Variants in RELL1 observed in about 807,000 individuals in gnomAD.
RELL1 encodes RELT-like protein 1.
A neutral mutation model predicts 23.0 loss-of-function variants in RELL1; 10 were observed. The observed-to-expected ratio is 0.43, with a 90% CI of 0.27 to 0.74. RELL1 has a LOEUF of 0.74. RELL1 is among the 30% of genes least tolerant of loss of function. The pLI is 0.19. For synonymous variants in RELL1, 146 were observed against 146.8 expected (o/e 0.99, Z 0.04); for missense variants, 315 against 364.4 (o/e 0.86, Z 1.10).
At chr4:37,668,263 C>A (rs577176579) in intron 1 of RELL1, among the ~76,000 whole-genome samples, 1 of 149,880 alleles carries the variant, frequency 6.7e-6, no homozygotes, top group African/African-American at 2.5e-5. Flanking sequence ...CCTCTGATAC[C>A]GAGCCGAAGC....
chr4:37,598,284 A>AAAAAAAAAAG (rs869260737), intron 6 of RELL1, among the ~76,000 whole-genome samples: 13 of 117,254 alleles, frequency 1.1e-4, no homozygotes, highest in East Asian at 3.1e-4. Flanking sequence ...AAAAAAAAAA[A>AAAAAAAAAAG]GTTTATAGGA....
chr4:37,655,099 G>C (rs759951893), intron 1 of RELL1, among the ~76,000 whole-genome samples: 7 of 152,056 alleles, frequency 4.6e-5, no homozygotes, highest in Non-Finnish European at 8.8e-5. Flanking sequence ...TGGATGCTAG[G>C]ATTCCTATTT....
chr4:37,612,641 A>G lies in RELL1; in HGVS notation c.*705T>C, dbSNP rs1311826906. On this transcript the variant is annotated 3_prime_UTR_variant, in exon 7 of 7. Coordinates refer to ENST00000454158, the MANE Select transcript of RELL1 (RefSeq NM_001085400.2). Reference sequence around the variant, plus strand: ...GACACAGCGAGACTCTGCCTCAAAAAAAAAAAAAAAAAAACCTTCTCAAAA... The same window carrying G: ...GACACAGCGAGACTCTGCCTCAAAAGAAAAAAAAAAAAAACCTTCTCAAAA... Among the ~76,000 whole-genome samples the G allele has an allele frequency of 6.6e-6, 1 of 151,402 alleles. No individual in the cohort carries two copies. The highest frequency in any genetic ancestry group is 1.5e-5 in the Non-Finnish European group (1 of 67,946).
Position 37,684,016 on chromosome 4 carries a change from G to A in RELL1, c.88+2184C>T, listed in dbSNP as rs188963092. 4.5e-3 allele frequency among the ~76,000 whole-genome samples: 691 copies of A among 151,896 alleles called. 5 individuals carry two copies. The highest frequency in any genetic ancestry group is 0.016 in the African/African-American group (658 of 41,394). On this transcript the variant is annotated intron_variant, in intron 1 of 6. Transcript: ENST00000454158. The stretch of plus-strand genomic sequence containing the variant: ...GAATGGCGTGAACCCGGGAGGCGGA[G>A]CTTGCAGTGAGATCGCGCCACTGCA...
chr4:37,673,807 T>G (rs1361379746), intron 1 of RELL1, among the ~76,000 whole-genome samples: 1 of 152,178 alleles, frequency 6.6e-6, no homozygotes, highest in Admixed American at 6.5e-5. Context: ...GGCCTCTTGT[T>G]GTCCCCTATC....
Position 37,647,385 on chromosome 4 carries a change from T to C in RELL1, c.368A>G (p.Tyr123Cys). Residue 123 changes from tyrosine to cysteine, a missense_variant, in exon 3 of 7, where the codon TAC (tyrosine) becomes TGC (cysteine). Coordinates refer to ENST00000454158, the MANE Select transcript of RELL1 (RefSeq NM_001085400.2). ...NSDTVGQIVH[Y>C]IMKNEANADV... The stretch of plus-strand genomic sequence containing the variant: ...GTTCACACCTTCATTTTTCATGATG[T>C]AGTGGACGATTTGCCCAACAGTGTC... The C allele has an allele frequency of 6.2e-7, 1 of 1,612,256 alleles. No individual in the cohort carries two copies. Among genetic ancestry groups the C allele is most frequent in the African/African-American group, 1.3e-5 (1 of 75,020 alleles).
chr4:37,684,880 G>A (rs1722346256), intron 1 of RELL1, among the ~76,000 whole-genome samples: 1 of 152,172 alleles, frequency 6.6e-6, no homozygotes, highest in Non-Finnish European at 1.5e-5. Context: ...TTGAACCAGA[G>A]AGCTGGAGGT....
At chr4:37,682,802 T>C (rs1722266311) in intron 1 of RELL1, among the ~76,000 whole-genome samples, 1 of 152,228 alleles carries the variant, frequency 6.6e-6, no homozygotes, top group Non-Finnish European at 1.5e-5. Flanking sequence ...GGAGTCAGAA[T>C]GCTGGAGGGA....
chr4:37,653,034 C>T (rs546461618), intron 1 of RELL1, among the ~76,000 whole-genome samples: 8 of 152,164 alleles, frequency 5.3e-5, no homozygotes, highest in African/African-American at 1.4e-4. Flanking sequence ...TACAAGATGG[C>T]CCTGGGAAAT....
At chr4:37,647,222 C>T (rs150050064) in intron 3 of RELL1, 146 bp downstream of exon 3, 277 of 579,592 alleles carry the variant, frequency 4.8e-4, no homozygotes, top group African/African-American at 4.0e-3. Context: ...GTGAAACTTG[C>T]GTAGCTGAAT....
intron 6 of RELL1, among the ~76,000 whole-genome samples, chr4:37,621,087 GTTAC>G (rs1294132297): frequency 6.6e-6 from 1 of 152,146 alleles, no homozygotes; most frequent in African/African-American, 2.4e-5. Flanking sequence ...CCTATGTCCT[GTTAC>G]TTACAGAAAA....
chr4:37,685,087 C>T (rs977030323), intron 1 of RELL1, among the ~76,000 whole-genome samples: 1 of 152,214 alleles, frequency 6.6e-6, no homozygotes. Context: ...CATCTCCTTC[C>T]CTTCCAACCT....
intron 6 of RELL1, among the ~76,000 whole-genome samples, chr4:37,630,455 C>T (rs1268725238): frequency 6.7e-6 from 1 of 149,078 alleles, no homozygotes; most frequent in Admixed American, 6.7e-5. Context: ...AGCTCCGCCT[C>T]CCGGGTTCAC....
intron 1 of RELL1, chr4:37,665,198 C>T (rs1476445115): frequency 2.2e-6 from 1 of 455,454 alleles, no homozygotes; most frequent in Non-Finnish European, 4.4e-6. Context: ...ATCCAGTGTA[C>T]TTACACCCCA....
At chr4:37,641,658 A>G (rs907736606) in intron 3 of RELL1, among the ~76,000 whole-genome samples, 1 of 152,220 alleles carries the variant, frequency 6.6e-6, no homozygotes, top group Non-Finnish European at 1.5e-5. Flanking sequence ...CATTTTCCAG[A>G]AAAGACCTCT....
chr4:37,652,019 G>A (rs941081679), intron 1 of RELL1, among the ~76,000 whole-genome samples: 95 of 152,318 alleles, frequency 6.2e-4, no homozygotes, highest in Admixed American at 5.6e-3. Flanking sequence ...GGGGCAGAGC[G>A]TCGCCAGCCA....
intron 6 of RELL1, among the ~76,000 whole-genome samples, chr4:37,619,029 G>A (rs1042510644): frequency 5.3e-5 from 8 of 151,838 alleles, no homozygotes; most frequent in South Asian, 2.1e-4. Context: ...ACAGGCATGC[G>A]CCACCACCCC....
intron 1 of RELL1, among the ~76,000 whole-genome samples, chr4:37,673,042 G>A (rs998454983): frequency 5.9e-5 from 9 of 152,002 alleles, no homozygotes; most frequent in African/African-American, 2.2e-4. Flanking sequence ...CTGTAATCAA[G>A]AATTCAATAG....
At chr4:37,590,581 G>A (rs1718552865), downstream of RELL1, 1 of 1,614,168 alleles carries the variant, frequency 6.2e-7, no homozygotes, top group Non-Finnish European at 8.5e-7. Context: ...TGCCTTGGAA[G>A]TACAAGACCA....
Sources: gnomAD v4.1 joint callset for allele counts (sites outside exome capture counted in the v4.1 genomes callset) on GRCh38, gnomAD v4.1.1 for gene constraint, MANE v1.5 for transcripts, NCBI Gene and HGNC (gene_info 2026-07-23, HGNC 2026-07-21) for gene names.